SEC23B: variants seen among roughly 807,000 people sequenced by gnomAD.
SEC23B encodes the protein SEC23 homolog B, COPII component, also known as protein transport protein Sec23B.
SEC23B carries 77 observed loss-of-function variants against 104.3 expected under a neutral mutation model. That is an observed-to-expected ratio of 0.74 (90% CI 0.61 to 0.89). SEC23B has a LOEUF of 0.89. Ranked by LOEUF, SEC23B falls within the 40% of genes least tolerant of loss-of-function variation. The probability of loss-of-function intolerance (pLI) is 0.00; values close to 1 mark genes in which losing one functional copy is unlikely to be tolerated. For missense variants in SEC23B, 885 were observed against 949.4 expected (o/e 0.93, Z 0.89); for synonymous variants, 338 against 332.5 (o/e 1.02, Z -0.18).
At chr20:18,549,580 T>C (rs925911483) in intron 16 of SEC23B, among the ~76,000 whole-genome samples, 2 of 151,544 alleles carry the variant, frequency 1.3e-5, no homozygotes, top group African/African-American at 2.4e-5. Flanking sequence ...TATGTAAAAA[T>C]GTTACATGAA....
intron 13 of SEC23B, 70 bp downstream of exon 13, chr20:18,542,472 A>G (rs959258249): frequency 7.4e-7 from 1 of 1,345,678 alleles, no homozygotes; most frequent in Non-Finnish European, 1.1e-6. Context: ...ATACTTTAAC[A>G]TTTGTTAGTT....
In SEC23B at chr20:18,525,709, A is replaced by G; in HGVS notation, c.690-79A>G. 9 of 1,418,044 alleles carry G rather than the reference A, an allele frequency of 6.3e-6. No homozygotes were observed. The South Asian group carries it at 1.0e-4, about 16-fold the overall frequency. 87.8% of individuals were successfully genotyped at this position (1,418,044 alleles called of 1,614,324 possible). A position where few individuals can be genotyped will look rare whatever the true frequency, so the allele number is the denominator to read the frequency against. On this transcript the variant is annotated intron_variant, in intron 6 of 19. Coordinates refer to ENST00000650089, the MANE Select transcript of SEC23B (RefSeq NM_006363.6). ...ACTCTGAATAATTATCTTGAAGAGC[A>G]GTAATTATGTGGCACCTAGTGTTGA...
intron 17 of SEC23B, among the ~76,000 whole-genome samples, chr20:18,552,917 T>A (rs2060402093): frequency 6.6e-6 from 1 of 152,208 alleles, no homozygotes; most frequent in African/African-American, 2.4e-5. Flanking sequence ...TATGGGAAGA[T>A]GTACATCGGT....
At chr20:18,542,692 TGG>T (rs1269736319) in intron 13 of SEC23B, among the ~76,000 whole-genome samples, 3 of 152,152 alleles carry the variant, frequency 2.0e-5, no homozygotes, top group Admixed American at 2.0e-4. Context: ...TGGAGTACAG[TGG>T]CACAATCACA....
Position 18,560,747 on chromosome 20 carries a change from G to A in SEC23B, c.*7G>A, listed in dbSNP as rs773668142. The A allele has an allele frequency of 6.2e-7, 1 of 1,605,796 alleles. No homozygotes were observed. Among genetic ancestry groups the A allele is most frequent in the East Asian group, 2.2e-5 (1 of 44,852 alleles). On this transcript the variant is annotated 3_prime_UTR_variant, in exon 20 of 20. Coordinates refer to ENST00000650089, the MANE Select transcript of SEC23B (RefSeq NM_006363.6). The stretch of plus-strand genomic sequence containing the variant: ...TGTCTCCAGTGCCTGTTAAGCTGAG[G>A]ATACAACCAGGAAATGCAACGGTGT...
chr20:18,532,556 G>A, intron 10 of SEC23B, 108 bp from the exon 11 acceptor site: 1 of 853,998 alleles, frequency 1.2e-6, no homozygotes, highest in Non-Finnish European at 2.0e-6. Context: ...TTTTCTCTTG[G>A]CAGAATAGTA....
intron 4 of SEC23B, among the ~76,000 whole-genome samples, chr20:18,520,453 G>A (rs544463966): frequency 3.3e-5 from 5 of 152,114 alleles, no homozygotes; most frequent in African/African-American, 7.2e-5. Flanking sequence ...AAGGTTGGGG[G>A]GTACAAGAGG....
intron 14 of SEC23B, among the ~76,000 whole-genome samples, chr20:18,545,405 G>A (rs145736414): frequency 2.1e-3 from 317 of 152,320 alleles, no homozygotes; most frequent in Middle Eastern, 0.02. Context: ...AAGAAGACGA[G>A]AACTGCGGAA....
chr20:18,508,187 T>C, intron 1 of SEC23B: 1 of 152,328 alleles, frequency 6.6e-6, no homozygotes, highest in Non-Finnish European at 1.5e-5. Context: ...TCCCCAGAAT[T>C]GCGGAGTGCG....
chr20:18,524,605 G>A lies in SEC23B; in HGVS notation c.539G>A (p.Cys180Tyr), dbSNP rs765842157. The change falls in exon 5 of 20, where the codon TGT becomes TAT. Residue 180 changes from cysteine to tyrosine, a missense_variant. Physicochemically the swap from Cys to Tyr is radical, Grantham distance 194 (BLOSUM62 -2). Coordinates refer to ENST00000650089, the MANE Select transcript of SEC23B (RefSeq NM_006363.6). ...GRMVQVHELS[C>Y]EGISKSYVFR... ...ATGGTGCAGGTTCATGAGCTAAGCT[G>A]TGAAGGAATCTCCAAAAGTTATGTC... is the stretch of plus-strand genomic sequence containing the variant. The A allele has an allele frequency of 2.3e-5, 37 of 1,614,238 alleles. No homozygotes were observed. In the East Asian group the frequency reaches 7.8e-4, roughly 34 times the overall value.
At chr20:18,555,428 C>T (rs990483514) in intron 19 of SEC23B, among the ~76,000 whole-genome samples, 1 of 152,094 alleles carries the variant, frequency 6.6e-6, no homozygotes, top group Non-Finnish European at 1.5e-5. Context: ...GGACAGAGCA[C>T]TGTACTGTGG....
At chr20:18,555,209 G>A in intron 19 of SEC23B, 36 bp downstream of exon 19, 1 of 1,551,898 alleles carries the variant, frequency 6.4e-7, no homozygotes. Flanking sequence ...AGGATGCTAA[G>A]CTAGTTTTTT....
intron 19 of SEC23B, among the ~76,000 whole-genome samples, chr20:18,560,348 T>C (rs1030140188): frequency 6.6e-6 from 1 of 151,986 alleles, no homozygotes; most frequent in African/African-American, 2.4e-5. Flanking sequence ...GAGCTCACAG[T>C]GGTGGGGAGC....
At position 18,551,084 on chromosome 20, in the gene SEC23B, T is replaced by A. The variant is rs554044890; in HGVS notation, c.1906-5T>A. ...AATGCCATCTTTCTCTCTCTTTTTC[T>A]TCAGCCAGTACTCTTGGATAGCAGC... is the stretch of plus-strand genomic sequence containing the variant. On this transcript the variant is annotated splice_region_variant and splice_polypyrimidine_tract_variant and intron_variant, in intron 16 of 19. Coordinates refer to ENST00000650089, the MANE Select transcript of SEC23B (RefSeq NM_006363.6). 1.9e-6 allele frequency: 3 copies of A among 1,594,954 alleles called. No individual in the cohort carries two copies. The African/African-American group carries it at 4.0e-5, about 21-fold the overall frequency.
In SEC23B at chr20:18,513,223, T is replaced by C. The variant is rs533682976; in HGVS notation, c.279+941T>C. Among the ~76,000 whole-genome samples the C allele has an allele frequency of 1.2e-4, 18 of 146,366 alleles. No individual in the cohort carries two copies. In the South Asian group the frequency reaches 2.0e-3, roughly 16 times the overall value. On this transcript the variant is annotated intron_variant, in intron 3 of 19. Coordinates refer to ENST00000650089, the MANE Select transcript of SEC23B (RefSeq NM_006363.6). Reference sequence around the variant, plus strand: ...ATTAGCTGGACATGGTGGTGCGCACTTGTAGTCCCAGCTACTCAGGAGGCT... The same window carrying C: ...ATTAGCTGGACATGGTGGTGCGCACCTGTAGTCCCAGCTACTCAGGAGGCT...
At chr20:18,544,755 G>A (rs1054325924) in intron 14 of SEC23B, among the ~76,000 whole-genome samples, 1 of 152,198 alleles carries the variant, frequency 6.6e-6, no homozygotes, top group Non-Finnish European at 1.5e-5. Context: ...GTTGTGAATG[G>A]AGGATTTTTC....
In SEC23B at chr20:18,527,578, T is replaced by C; in HGVS notation, c.1076T>C (p.Leu359Pro). The part of the protein sequence containing the change: ...IYACALDQTG[L>P]LEMKCCANLT... ...GCTTGTGCCCTTGATCAAACTGGAC[T>C]TTTGGAGATGAAGTGTTGTGCAAAT... Residue 359 changes from leucine to proline, a missense_variant, in exon 9 of 20, where the codon CTT becomes CCT. Transcript: ENST00000650089. 1 of 1,612,072 alleles carries C rather than the reference T, an allele frequency of 6.2e-7. No homozygotes were observed. The highest frequency in any genetic ancestry group is 8.5e-7 in the Non-Finnish European group (1 of 1,178,104).
rs772769474 is a variant in SEC23B, at chr20:18,543,026, G to A, written c.1519G>A (p.Asp507Asn). The A allele has an allele frequency of 1.9e-6, 3 of 1,614,212 alleles. No individual in the cohort carries two copies. The highest frequency in any genetic ancestry group is 1.7e-6 in the Non-Finnish European group (2 of 1,180,040). The change falls in exon 14 of 20, where the codon GAT (aspartate) becomes AAT (asparagine). Residue 507 changes from aspartate to asparagine, a missense_variant. Transcript: ENST00000650089. ...TAACTCTGGAATTGTCAGTTGGGCA[G>A]ATGTACAGAGTCAGCTCAGGCACAT... ...RVTTIARNWA[D>N]VQSQLRHIEA...
chr20:18,526,078 T>A, intron 7 of SEC23B, 146 bp downstream of exon 7: 1 of 1,045,414 alleles, frequency 9.6e-7, no homozygotes, highest in South Asian at 1.4e-5. Context: ...TCATTATCAT[T>A]CACGTTGAGG....
Sources: allele counts gnomAD v4.1 joint callset (sites outside exome capture counted in the v4.1 genomes callset), GRCh38; gene constraint gnomAD v4.1.1; transcripts MANE v1.5; gene names NCBI Gene and HGNC (gene_info 2026-07-23, HGNC 2026-07-21).